The following CRPPA variants were observed in gnomAD, a reference collection of about 807,000 sequenced individuals.
CRPPA encodes CDP-L-ribitol pyrophosphorylase A.
A neutral mutation model predicts 52.0 loss-of-function variants in CRPPA; 43 were observed. The observed-to-expected ratio is 0.83, with a 90% CI of 0.65 to 1.07. CRPPA has a LOEUF of 1.07. Among genes scored for constraint, CRPPA ranks in the 50% least tolerant of loss-of-function variants. CRPPA has a pLI of 0.00. For missense variants in CRPPA, 629 were observed against 551.7 expected (o/e 1.14, Z -1.40); for synonymous variants, 250 against 203.5 (o/e 1.23, Z -1.94).
At chr7:16,400,216 C>A (rs1476879714) in intron 2 of CRPPA, among the ~76,000 whole-genome samples, 1 of 98,054 alleles carries the variant, frequency 1.0e-5, no homozygotes, top group Non-Finnish European at 2.3e-5. Flanking sequence ...TGGCATGTGT[C>A]CAACACGTGG....
intron 6 of CRPPA, among the ~76,000 whole-genome samples, chr7:16,270,845 T>C (rs1784074088): frequency 6.6e-6 from 1 of 152,162 alleles, no homozygotes; most frequent in African/African-American, 2.4e-5. Flanking sequence ...AGGATGCTGC[T>C]GTGGCTTAAT....
intron 8 of CRPPA, among the ~76,000 whole-genome samples, chr7:16,232,431 A>C (rs971085394): frequency 6.6e-6 from 1 of 152,168 alleles, no homozygotes. Flanking sequence ...TGCCATGTGC[A>C]CTTGTTCTCA....
intron 8 of CRPPA, among the ~76,000 whole-genome samples, chr7:16,222,422 T>C (rs1782539305): frequency 6.7e-6 from 1 of 149,632 alleles, no homozygotes; most frequent in South Asian, 2.1e-4. Context: ...TGTGCACATG[T>C]ACCCTAAAAC....
chr7:16,109,306 C>G (rs949140727), intron 9 of CRPPA, among the ~76,000 whole-genome samples: 3 of 151,544 alleles, frequency 2.0e-5, no homozygotes, highest in Non-Finnish European at 3.0e-5. Flanking sequence ...TTGAGTAACC[C>G]AGAATAAATG....
chr7:16,211,719 G>C (rs1782148106), intron 9 of CRPPA, among the ~76,000 whole-genome samples: 1 of 152,098 alleles, frequency 6.6e-6, no homozygotes, highest in African/African-American at 2.4e-5. Flanking sequence ...GATGTCAGTG[G>C]TACCCTATAC....
intron 9 of CRPPA, among the ~76,000 whole-genome samples, chr7:16,201,933 G>A (rs774074650): frequency 6.6e-6 from 1 of 152,080 alleles, no homozygotes; most frequent in Non-Finnish European, 1.5e-5. Flanking sequence ...TGGTGATTAT[G>A]GCCATTCTTT....
In CRPPA at chr7:16,308,595, C is replaced by G. The variant is rs1198789539; in HGVS notation, c.717G>C (p.Glu239Asp). The change falls in exon 4 of 10, where the codon GAG becomes GAC. Residue 239 changes from glutamate to aspartate, a missense_variant. Physicochemically the swap from Glu to Asp is conservative, Grantham distance 45. Coordinates refer to ENST00000407010, the MANE Select transcript of CRPPA (RefSeq NM_001101426.4). ...AGTATTTTAGGGCCAATTGCAAACA[C>G]TCAGTTCCAAATTCCAAGTCATAGT... is the stretch of plus-strand genomic sequence containing the variant. ...CSDYDLEFGT[E>D]CLQLALKYCC... 3 of 1,610,438 alleles carry G rather than the reference C, an allele frequency of 1.9e-6. No individual in the cohort carries two copies. Among genetic ancestry groups the G allele is most frequent in the Non-Finnish European group, 2.5e-6 (3 of 1,177,882 alleles).
intron 3 of CRPPA, among the ~76,000 whole-genome samples, chr7:16,357,889 T>G (rs115865395): frequency 0.019 from 2,925 of 151,498 alleles, 109 homozygotes; most frequent in African/African-American, 0.068. Context: ...TGGGCCAGAG[T>G]TGGTGCGTGG....
chr7:16,237,591 C>G (rs570325951), intron 8 of CRPPA, among the ~76,000 whole-genome samples: 2 of 152,198 alleles, frequency 1.3e-5, no homozygotes, highest in African/African-American at 4.8e-5. Flanking sequence ...CTAGTCCTCA[C>G]TACCACTATT....
chr7:16,215,909 G>T (rs1396367909), intron 9 of CRPPA, among the ~76,000 whole-genome samples, 157 bp downstream of exon 9: 1 of 152,030 alleles, frequency 6.6e-6, no homozygotes, highest in Non-Finnish European at 1.5e-5. Context: ...TTTTCCTAGA[G>T]GCAAGAGGTT....
intron 9 of CRPPA, among the ~76,000 whole-genome samples, chr7:16,162,644 G>A (rs1162743150): frequency 6.6e-6 from 1 of 152,208 alleles, no homozygotes; most frequent in African/African-American, 2.4e-5. Context: ...TGAGAAGAAT[G>A]TATATTCTGT....
chr7:16,335,723 A>G (rs1785664078), intron 3 of CRPPA, among the ~76,000 whole-genome samples: 2 of 152,206 alleles, frequency 1.3e-5, no homozygotes, highest in African/African-American at 4.8e-5. Flanking sequence ...TAAAGAAACA[A>G]TGGTTGAAAA....
chr7:16,399,870 A>G (rs531156616), intron 2 of CRPPA, among the ~76,000 whole-genome samples: 4 of 152,180 alleles, frequency 2.6e-5, no homozygotes, highest in East Asian at 3.9e-4. Context: ...ACACATGACT[A>G]ACACGTGACA....
At chr7:16,110,568 G>C (rs1486857171) in intron 9 of CRPPA, among the ~76,000 whole-genome samples, 3 of 151,962 alleles carry the variant, frequency 2.0e-5, no homozygotes, top group Non-Finnish European at 2.9e-5. Flanking sequence ...TGGTTAAAAA[G>C]AGGGAGAGAG....
chr7:16,416,564 G>T (rs551548589), intron 1 of CRPPA, among the ~76,000 whole-genome samples: 1 of 151,774 alleles, frequency 6.6e-6, no homozygotes, highest in East Asian at 1.9e-4. Context: ...GCCAGGTGTG[G>T]TCACTCACAC....
chr7:16,385,895 G>A (rs1390100961), intron 2 of CRPPA, among the ~76,000 whole-genome samples: 7 of 152,142 alleles, frequency 4.6e-5, no homozygotes, highest in South Asian at 4.1e-4. Context: ...CAGAGCGAGC[G>A]CTTTTGGGCT....
intron 9 of CRPPA, among the ~76,000 whole-genome samples, chr7:16,211,977 A>C (rs952781501): frequency 2.6e-5 from 4 of 152,308 alleles, no homozygotes; most frequent in Middle Eastern, 3.4e-3. Context: ...TAATTTTGTT[A>C]CCAAAAATAT....
chr7:16,348,801 G>A (rs1331571080), intron 3 of CRPPA, among the ~76,000 whole-genome samples: 1 of 152,164 alleles, frequency 6.6e-6, no homozygotes, highest in East Asian at 1.9e-4. Flanking sequence ...GTTCACCCCA[G>A]TGATTACTTC....
At chr7:16,131,934 A>G (rs1208280849) in intron 9 of CRPPA, among the ~76,000 whole-genome samples, 2 of 152,200 alleles carry the variant, frequency 1.3e-5, no homozygotes, top group Non-Finnish European at 2.9e-5. Context: ...CCACCCATGG[A>G]GAGTCACGGT....
Sources: allele counts gnomAD v4.1 joint callset (sites outside exome capture counted in the v4.1 genomes callset), GRCh38; gene constraint gnomAD v4.1.1; transcripts MANE v1.5; gene names NCBI Gene and HGNC (gene_info 2026-07-23, HGNC 2026-07-21).